The following RGPD6 variants were observed in gnomAD, a reference collection of about 807,000 sequenced individuals.
The protein encoded by RGPD6 is RANBP2-like and GRIP domain-containing protein 5/6.
chr2:110,596,465 CATGAAAAAAAA>C, the RGPD6 span, among the ~76,000 whole-genome samples: 1 of 125,382 alleles, frequency 8.0e-6, no homozygotes, highest in Non-Finnish European at 1.7e-5. Flanking sequence ...AAATGATCTA[CATGAAAAAAAA>C]AATCACCTTA....
chr2:110,593,527 AATT>A, the RGPD6 span, among the ~76,000 whole-genome samples: 5 of 142,822 alleles, frequency 3.5e-5, no homozygotes, highest in African/African-American at 1.1e-4. Flanking sequence ...TGTGCTAAAT[AATT>A]ATACTTACAT....
the RGPD6 span, among the ~76,000 whole-genome samples, chr2:110,605,128 C>G: frequency 1.3e-5 from 2 of 152,084 alleles, no homozygotes; most frequent in Non-Finnish European, 2.9e-5. Context: ...CCAGCTTTCT[C>G]CAAAACACGC....
At chr2:110,598,136 C>T in the RGPD6 span, among the ~76,000 whole-genome samples, 1 of 10,108 alleles carries the variant, frequency 9.9e-5, no homozygotes, top group African/African-American at 1.1e-4. Context: ...CATAGCCGCC[C>T]TCCCACCTCC....
At chr2:110,596,819 C>T in the RGPD6 span, among the ~76,000 whole-genome samples, 12 of 133,720 alleles carry the variant, frequency 9.0e-5, no homozygotes, top group African/African-American at 2.7e-4. Flanking sequence ...ATAGCTTGAA[C>T]ACAATATACT....
the RGPD6 span, among the ~76,000 whole-genome samples, chr2:110,603,977 A>T: frequency 6.7e-6 from 1 of 149,640 alleles, no homozygotes; most frequent in Admixed American, 6.6e-5. Flanking sequence ...AAACTAAATT[A>T]TGATTAGCCT....
chr2:110,604,749 A>G, the RGPD6 span, among the ~76,000 whole-genome samples: 2 of 148,696 alleles, frequency 1.3e-5, no homozygotes, highest in Non-Finnish European at 3.0e-5. Context: ...AAAATCTTGC[A>G]TTCCATATTG....
At chr2:110,600,991 A>G in the RGPD6 span, among the ~76,000 whole-genome samples, 2 of 152,186 alleles carry the variant, frequency 1.3e-5, no homozygotes, top group East Asian at 1.9e-4. Flanking sequence ...GGAAGGAAGT[A>G]AACATTTGAA....
chr2:110,605,557 A>G, the RGPD6 span, among the ~76,000 whole-genome samples: 3 of 151,630 alleles, frequency 2.0e-5, no homozygotes, highest in East Asian at 5.8e-4. Flanking sequence ...AGGAAAGGGT[A>G]GAGGCACCTG....
At chr2:110,596,930 A>ATT in the RGPD6 span, among the ~76,000 whole-genome samples, 11 of 130,786 alleles carry the variant, frequency 8.4e-5, 1 homozygote, top group African/African-American at 3.4e-4. Context: ...ATATATATAT[A>ATT]TTATATATAT....
chr2:110,597,136 G>A, the RGPD6 span, among the ~76,000 whole-genome samples: 1 of 48,810 alleles, frequency 2.0e-5, no homozygotes, highest in Non-Finnish European at 3.7e-5. Flanking sequence ...CCACCACCAC[G>A]CCTAGCTAAT....
chr2:110,605,833 C>A, the RGPD6 span, among the ~76,000 whole-genome samples: 1 of 151,248 alleles, frequency 6.6e-6, no homozygotes, highest in Non-Finnish European at 1.5e-5. Context: ...GTCTTCCCAC[C>A]ACGTGGTTTT....
the RGPD6 span, among the ~76,000 whole-genome samples, chr2:110,604,702 G>T: frequency 1.0e-4 from 15 of 149,730 alleles, 1 homozygote; most frequent in African/African-American, 3.5e-4. Flanking sequence ...AATCAAACAG[G>T]CAAATCTATT....
chr2:110,589,501 C>A, the RGPD6 span, among the ~76,000 whole-genome samples: 1 of 152,130 alleles, frequency 6.6e-6, no homozygotes, highest in African/African-American at 2.4e-5. Context: ...TGCCTTGCTA[C>A]GAGAAAGTCT....
the RGPD6 span, chr2:110,610,776 G>A: frequency 5.3e-6 from 6 of 1,123,848 alleles, no homozygotes; most frequent in Admixed American, 4.0e-5. Context: ...ATGGTGGGAG[G>A]TGTCAGCGTC....
the RGPD6 span, among the ~76,000 whole-genome samples, chr2:110,592,659 T>G: frequency 0.027 from 3,394 of 125,084 alleles, 65 homozygotes; most frequent in Admixed American, 0.11. Flanking sequence ...CACAAGCCTG[T>G]AATCCCAGCT....
At chr2:110,605,138 C>A in the RGPD6 span, among the ~76,000 whole-genome samples, 1 of 152,028 alleles carries the variant, frequency 6.6e-6, no homozygotes. Context: ...CCAAAACACG[C>A]CCCACACGAG....
chr2:110,604,783 C>T, the RGPD6 span, among the ~76,000 whole-genome samples: 1 of 147,142 alleles, frequency 6.8e-6, no homozygotes, highest in African/African-American at 2.5e-5. Context: ...TCTTAATTTG[C>T]CTATTAATCT....
the RGPD6 span, among the ~76,000 whole-genome samples, chr2:110,591,639 G>A: frequency 6.6e-6 from 1 of 151,530 alleles, no homozygotes; most frequent in Non-Finnish European, 1.5e-5. Context: ...CTGCACCCCT[G>A]TCCCCAAAGG....
chr2:110,601,096 G>A, the RGPD6 span, among the ~76,000 whole-genome samples: 15,135 of 143,508 alleles, frequency 0.11, 201 homozygotes, highest in African/African-American at 0.28. Flanking sequence ...AGAGTCTATG[G>A]CCAGTGAAGA....
Sources: allele counts gnomAD v4.1 joint callset (sites outside exome capture counted in the v4.1 genomes callset), GRCh38; gene constraint gnomAD v4.1.1; transcripts MANE v1.5; gene names NCBI Gene and HGNC (gene_info 2026-07-23, HGNC 2026-07-21).